Variants in ADAMTS20 observed in about 807,000 individuals in gnomAD.
ADAMTS20 encodes A disintegrin and metalloproteinase with thrombospondin motifs 20.
A neutral mutation model predicts 260.1 loss-of-function variants in ADAMTS20; 225 were observed. That is an observed-to-expected ratio of 0.87 (90% CI 0.78 to 0.97). The LOEUF is 0.97. Ranked by LOEUF, ADAMTS20 falls within the 50% of genes least tolerant of loss-of-function variation. The pLI, the probability that ADAMTS20 is intolerant of heterozygous loss-of-function variation, is 0.00. For missense variants in ADAMTS20, 2,400 were observed against 2,337.7 expected, an observed-to-expected ratio of 1.03 and a Z score of -0.55; for synonymous variants, 802 against 769.5, an observed-to-expected ratio of 1.04 and a Z score of -0.70.
At chr12:43,498,375 G>A (rs535516577) in intron 4 of ADAMTS20, among the ~76,000 whole-genome samples, 11 of 152,304 alleles carry the variant, frequency 7.2e-5, no homozygotes, top group African/African-American at 2.2e-4. Context: ...GATAATCCAA[G>A]TTGTGTATAT....
chr12:43,496,798 T>C (rs1942683440), intron 4 of ADAMTS20, among the ~76,000 whole-genome samples: 1 of 152,124 alleles, frequency 6.6e-6, no homozygotes, highest in Non-Finnish European at 1.5e-5. Flanking sequence ...TGAGCTAAAA[T>C]AATTAGATAT....
At chr12:43,387,681 C>T (rs139347334) in intron 29 of ADAMTS20, among the ~76,000 whole-genome samples, 1 of 152,168 alleles carries the variant, frequency 6.6e-6, no homozygotes, top group African/African-American at 2.4e-5. Context: ...TCAGAGATAC[C>T]CTACCCAGAG....
intron 29 of ADAMTS20, among the ~76,000 whole-genome samples, chr12:43,394,438 T>G (rs1010391764): frequency 6.6e-6 from 1 of 152,234 alleles, no homozygotes; most frequent in East Asian, 1.9e-4. Flanking sequence ...TAATGTAACC[T>G]AGTATGTTAG....
intron 28 of ADAMTS20, among the ~76,000 whole-genome samples, chr12:43,406,039 T>C (rs895904350): frequency 6.6e-6 from 1 of 152,230 alleles, no homozygotes; most frequent in African/African-American, 2.4e-5. Flanking sequence ...ACACATATTA[T>C]ACATTACAAA....
At chr12:43,500,828 A>C (rs1006722598) in intron 4 of ADAMTS20, among the ~76,000 whole-genome samples, 5 of 152,156 alleles carry the variant, frequency 3.3e-5, no homozygotes, top group Admixed American at 1.3e-4. Flanking sequence ...TAACAATAAG[A>C]ATTTAAGGTA....
intron 29 of ADAMTS20, among the ~76,000 whole-genome samples, chr12:43,390,618 G>C (rs1209363132): frequency 2.6e-5 from 4 of 152,162 alleles, no homozygotes; most frequent in Non-Finnish European, 4.4e-5. Context: ...GTACAGTTCT[G>C]TCAGGTTTTG....
chr12:43,509,827 C>A (rs1007118831), intron 3 of ADAMTS20, among the ~76,000 whole-genome samples: 3 of 151,858 alleles, frequency 2.0e-5, no homozygotes, highest in African/African-American at 7.3e-5. Flanking sequence ...AGTAATATAC[C>A]AAACTGACTG....
intron 2 of ADAMTS20, among the ~76,000 whole-genome samples, chr12:43,538,124 C>T (rs1215565866): frequency 6.6e-6 from 1 of 152,220 alleles, no homozygotes; most frequent in Non-Finnish European, 1.5e-5. Context: ...CACTAATTTA[C>T]ATTCCCACCA....
intron 9 of ADAMTS20, 128 bp from the exon 10 acceptor site, chr12:43,464,860 A>G: frequency 1.0e-6 from 1 of 981,236 alleles, no homozygotes; most frequent in South Asian, 1.9e-5. Context: ...AACTTTAAAA[A>G]CCAACTCACA....
intron 3 of ADAMTS20, among the ~76,000 whole-genome samples, chr12:43,509,587 A>G (rs1340944321): frequency 6.6e-6 from 1 of 152,178 alleles, no homozygotes; most frequent in East Asian, 1.9e-4. Context: ...AAATAAAAAT[A>G]TATGTCATAT....
At chr12:43,396,008 ATAAAAT>A (rs1183646050) in intron 29 of ADAMTS20, among the ~76,000 whole-genome samples, 1 of 152,034 alleles carries the variant, frequency 6.6e-6, no homozygotes. Flanking sequence ...TCCCAAATAG[ATAAAAT>A]TAAACGAAAA....
chr12:43,438,802 A>G (rs1941604956), intron 18 of ADAMTS20, among the ~76,000 whole-genome samples: 1 of 152,044 alleles, frequency 6.6e-6, no homozygotes, highest in African/African-American at 2.4e-5. Flanking sequence ...CTTCCATTCT[A>G]TACAAAATTC....
At chr12:43,416,189 T>G (rs1335755087) in intron 28 of ADAMTS20, among the ~76,000 whole-genome samples, 1 of 152,156 alleles carries the variant, frequency 6.6e-6, no homozygotes, top group Non-Finnish European at 1.5e-5. Flanking sequence ...TCCACAAACA[T>G]CTGATGACTA....
intron 8 of ADAMTS20, among the ~76,000 whole-genome samples, chr12:43,467,619 C>T (rs1394859032): frequency 2.0e-5 from 3 of 151,984 alleles, no homozygotes; most frequent in African/African-American, 7.2e-5. Flanking sequence ...CCTTGAAAAC[C>T]AGCACATAGT....
intron 7 of ADAMTS20, among the ~76,000 whole-genome samples, chr12:43,480,936 T>G (rs1019942183): frequency 1.6e-4 from 25 of 152,014 alleles, no homozygotes; most frequent in African/African-American, 5.8e-4. Context: ...TAATGTATTA[T>G]AATAACTAAG....
At chr12:43,473,431 G>T (rs1429593895) in intron 7 of ADAMTS20, among the ~76,000 whole-genome samples, 1 of 45,522 alleles carries the variant, frequency 2.2e-5, no homozygotes, top group African/African-American at 9.6e-5. Flanking sequence ...AAATCAACGA[G>T]ACAGAAAGTC....
At chr12:43,404,178 G>GACACACACACAC (rs3031172) in intron 28 of ADAMTS20, among the ~76,000 whole-genome samples, 28 of 145,900 alleles carry the variant, frequency 1.9e-4, no homozygotes, top group African/African-American at 3.6e-4. Context: ...ATATTGTGGG[G>GACACACACACAC]ACACACACAC....
Position 43,442,183 on chromosome 12 carries a change from CACTT to C in ADAMTS20, c.2290+1604_2290+1607del, listed in dbSNP as rs555322229. ...ATTGACATCACATGTCTATTTTACT[CACTT>C]CAATTTAGACTTTGATATTTCCGTT... On this transcript the variant is annotated intron_variant, in intron 16 of 38. Transcript: ENST00000389420. 2.1e-3 allele frequency among the ~76,000 whole-genome samples: 313 copies of C among 152,154 alleles called. 3 individuals carry two copies. Among genetic ancestry groups the C allele is most frequent in the African/African-American group, 7.2e-3 (297 of 41,528 alleles).
rs1365448250 is a variant in ADAMTS20 at position 43,462,970 on chromosome 12, G to A, written c.1539C>T (p.Ser513=). The A allele has an allele frequency of 5.0e-6, 8 of 1,607,886 alleles. No individual in the cohort carries two copies. The highest frequency in any genetic ancestry group is 1.7e-5 in the Admixed American group (1 of 59,282). The change falls in exon 11 of 39, where the codon AGC becomes AGT. Residue 513 remains serine (S), a synonymous_variant. Coordinates refer to ENST00000389420, the MANE Select transcript of ADAMTS20 (RefSeq NM_025003.5). ...AACAGCCTTTGTGAAGCTTTTCTGT[G>A]CTTGTGCACCACAGATGCATGCATA... ...INICMHLWCT[S]TEKLHKGCFT... is the part of the protein sequence containing the mutation.
Sources: allele counts gnomAD v4.1 joint callset (sites outside exome capture counted in the v4.1 genomes callset), GRCh38; gene constraint gnomAD v4.1.1; transcripts MANE v1.5; gene names NCBI Gene and HGNC (gene_info 2026-07-23, HGNC 2026-07-21).